Variants in IMMP2L observed in about 807,000 individuals in gnomAD.
IMMP2L encodes the protein inner mitochondrial membrane peptidase subunit 2, also known as mitochondrial inner membrane protease subunit 2.
Under a neutral mutation model 19.3 loss-of-function variants are expected in IMMP2L, and 18 were observed. That is an observed-to-expected ratio of 0.93 (90% CI 0.64 to 1.38). IMMP2L has a LOEUF of 1.38. IMMP2L is among the 40% of genes most tolerant of loss of function. The pLI, the probability that IMMP2L is intolerant of heterozygous loss-of-function variation, is 0.00. For missense variants in IMMP2L, 233 were observed against 218.2 expected (o/e 1.07, Z -0.43); for synonymous variants, 76 against 73.0 (o/e 1.04, Z -0.21).
chr7:110,849,257 T>A (rs1471375105), intron 5 of IMMP2L, among the ~76,000 whole-genome samples: 6 of 152,060 alleles, frequency 3.9e-5, no homozygotes, highest in East Asian at 3.9e-4. Context: ...TTACTAATTT[T>A]AAAAAAACTC....
rs1210624030 is a variant in IMMP2L, at chr7:111,140,044, T to C, written c.240-176479A>G. On this transcript the variant is annotated intron_variant, in intron 3 of 5. Transcript: ENST00000405709. ...GGAGTTCAATGAACAGGACTGAAAA[T>C]AAAGATCAGAAAAGAAAGAAGAGAG... 2.0e-5 allele frequency among the ~76,000 whole-genome samples: 3 copies of C among 151,408 alleles called. No homozygotes were observed. In the East Asian group the frequency reaches 5.8e-4, roughly 29 times the overall value.
chr7:110,836,100 G>A (rs1188883694), intron 5 of IMMP2L, among the ~76,000 whole-genome samples: 3 of 152,094 alleles, frequency 2.0e-5, no homozygotes, highest in East Asian at 1.9e-4. Flanking sequence ...GAGTGGAGGG[G>A]AGCTGAGTTC....
At chr7:111,477,013 C>A (rs1841784294) in intron 3 of IMMP2L, among the ~76,000 whole-genome samples, 1 of 152,072 alleles carries the variant, frequency 6.6e-6, no homozygotes, top group Admixed American at 6.6e-5. Flanking sequence ...TATTCACTAT[C>A]CAGGGAATTA....
intron 2 of IMMP2L, among the ~76,000 whole-genome samples, chr7:111,495,446 C>A (rs1309742282): frequency 6.6e-6 from 1 of 152,114 alleles, no homozygotes; most frequent in Non-Finnish European, 1.5e-5. Flanking sequence ...GCTTTTGGAA[C>A]AAGCATAACA....
At chr7:110,771,934 A>C (rs1009277323) in intron 5 of IMMP2L, among the ~76,000 whole-genome samples, 2 of 152,160 alleles carry the variant, frequency 1.3e-5, no homozygotes, top group African/African-American at 4.8e-5. Flanking sequence ...GCTCTTAACC[A>C]CTATGCCAGA....
chr7:111,487,121 T>G (rs1285277716), intron 3 of IMMP2L, 117 bp downstream of exon 3: 1 of 514,704 alleles, frequency 1.9e-6, no homozygotes, highest in Non-Finnish European at 3.4e-6. Flanking sequence ...TGCATTGTAT[T>G]TAACATGTAT....
At chr7:111,122,745 C>A (rs761046127) in intron 3 of IMMP2L, 2 of 1,570,356 alleles carry the variant, frequency 1.3e-6, no homozygotes, top group Non-Finnish European at 1.7e-6. Flanking sequence ...CTTAAGGGCC[C>A]ATTACATTTC....
chr7:111,123,697 C>A lies in IMMP2L; in HGVS notation c.240-160132G>T. 4 of 1,613,776 alleles carry A rather than the reference C, an allele frequency of 2.5e-6. No homozygotes were observed. The highest frequency in any genetic ancestry group is 4.5e-5 in the East Asian group (2 of 44,864). Reference sequence around the variant, plus strand: ...CGATAGTCTTGCTGTGGATAACCTGCCAGATTTAAGAAAAATAGAAGCTAC... The same window carrying A: ...CGATAGTCTTGCTGTGGATAACCTGACAGATTTAAGAAAAATAGAAGCTAC... On this transcript the variant is annotated intron_variant, in intron 3 of 5. Coordinates refer to ENST00000405709, the MANE Select transcript of IMMP2L (RefSeq NM_032549.4). This position sits in a 1 kb window ranked among gnomAD's most constrained non-coding sequence, Gnocchi z 6.4.
At chr7:110,997,962 G>A (rs1364795842) in intron 3 of IMMP2L, among the ~76,000 whole-genome samples, 2 of 152,086 alleles carry the variant, frequency 1.3e-5, no homozygotes, top group Non-Finnish European at 2.9e-5. Flanking sequence ...ATAGAACATG[G>A]AAGCTTCATT....
intron 5 of IMMP2L, among the ~76,000 whole-genome samples, chr7:110,695,728 G>A (rs759889881): frequency 7.9e-5 from 12 of 152,066 alleles, no homozygotes; most frequent in Non-Finnish European, 1.6e-4. Context: ...TGCTTCCTGA[G>A]ACTAATAGTG....
At chr7:110,697,029 G>C (rs1165906260) in intron 5 of IMMP2L, among the ~76,000 whole-genome samples, 1 of 152,152 alleles carries the variant, frequency 6.6e-6, no homozygotes, top group African/African-American at 2.4e-5. Flanking sequence ...TTGTTATGCA[G>C]ATGGTCTGTG....
At chr7:111,465,547 T>G (rs1254808817) in intron 3 of IMMP2L, among the ~76,000 whole-genome samples, 1 of 150,184 alleles carries the variant, frequency 6.7e-6, no homozygotes, top group Non-Finnish European at 1.5e-5. Context: ...AAGAAGACAT[T>G]TATGCAGCCA....
At chr7:111,207,840 T>C (rs1158796649) in intron 3 of IMMP2L, among the ~76,000 whole-genome samples, 1 of 152,146 alleles carries the variant, frequency 6.6e-6, no homozygotes, top group Non-Finnish European at 1.5e-5. Context: ...AGCTCAAAGA[T>C]AGAGGTTTTC....
chr7:111,413,092 A>G (rs118101810), intron 3 of IMMP2L, among the ~76,000 whole-genome samples: 1 of 50,358 alleles, frequency 2.0e-5, no homozygotes, highest in East Asian at 2.4e-4. Context: ...ACAAAAACAG[A>G]GGACTATTGT....
At chr7:110,669,748 C>A (rs569251147) in intron 5 of IMMP2L, among the ~76,000 whole-genome samples, 2 of 152,188 alleles carry the variant, frequency 1.3e-5, no homozygotes, top group Non-Finnish European at 2.9e-5. Flanking sequence ...AGCTGAGACT[C>A]AAATGCATGA....
intron 3 of IMMP2L, among the ~76,000 whole-genome samples, chr7:111,265,954 T>C (rs2130009552): frequency 6.6e-6 from 1 of 152,294 alleles, no homozygotes; most frequent in African/African-American, 2.4e-5. Flanking sequence ...AGGCCTTCCC[T>C]AACCAATCTA....
chr7:111,380,919 G>T (rs1831138784), intron 3 of IMMP2L, among the ~76,000 whole-genome samples: 1 of 151,202 alleles, frequency 6.6e-6, no homozygotes, highest in Admixed American at 6.6e-5. Context: ...TACCTGAGTT[G>T]ATTCTAAGTG....
At chr7:110,719,837 C>G (rs1014110162) in intron 5 of IMMP2L, among the ~76,000 whole-genome samples, 3 of 152,168 alleles carry the variant, frequency 2.0e-5, no homozygotes, top group African/African-American at 7.2e-5. Flanking sequence ...AATTATAGCA[C>G]TCTTTTATGT....
chr7:111,295,985 T>TA (rs3052106), intron 3 of IMMP2L, among the ~76,000 whole-genome samples: 3,632 of 136,250 alleles, frequency 0.027, 63 homozygotes, highest in Non-Finnish European at 0.042. Context: ...GAAAGAATGT[T>TA]AAAAAAAAAA....
Sources: allele counts gnomAD v4.1 joint callset (sites outside exome capture counted in the v4.1 genomes callset), GRCh38; gene constraint gnomAD v4.1.1; non-coding constraint Gnocchi (gnomAD v3.1); transcripts MANE v1.5; gene names NCBI Gene and HGNC (gene_info 2026-07-23, HGNC 2026-07-21).